The following OGG1 variants were observed in gnomAD, a reference collection of about 807,000 sequenced individuals.
OGG1 encodes the protein N-glycosylase/DNA lyase.
A neutral mutation model predicts 42.3 loss-of-function variants in OGG1; 35 were observed. The observed-to-expected ratio is 0.83, with a 90% confidence interval of 0.63 to 1.10. The LOEUF is 1.10. Among genes scored for constraint, OGG1 ranks in the 50% least tolerant of loss-of-function variants. The pLI is 0.00. For missense variants in OGG1, 484 were observed against 446.7 expected, an observed-to-expected ratio of 1.08 and a Z score of -0.75; for synonymous variants, 189 against 179.0, an observed-to-expected ratio of 1.06 and a Z score of -0.44.
chr3:9,768,142 C>T (rs1362179279), downstream of OGG1, among the ~76,000 whole-genome samples: 4 of 152,064 alleles, frequency 2.6e-5, no homozygotes, highest in African/African-American at 9.7e-5. Context: ...CCTGGAGGAT[C>T]CCCCTGTCCC....
At chr3:9,766,775 A>G (rs1241525367), downstream of OGG1, 1 of 323,830 alleles carries the variant, frequency 3.1e-6, no homozygotes, top group East Asian at 1.3e-4. Context: ...CCTCAGGGAT[A>G]ATTAGTTACT....
At chr3:9,787,239 C>T in intron 3 of OGG1, 1 of 1,614,216 alleles carries the variant, frequency 6.2e-7, no homozygotes, top group Non-Finnish European at 8.5e-7. Flanking sequence ...TGAGGCCTTT[C>T]TTCTTGTCAG....
downstream of OGG1, chr3:9,759,227 C>G (rs1280508656): frequency 1.2e-6 from 2 of 1,614,154 alleles, no homozygotes; most frequent in East Asian, 4.5e-5. Flanking sequence ...TTTCTCGGAC[C>G]CCATAGGCTG....
exon 8 of OGG1, chr3:9,765,915 G>A (rs1178458744): frequency 6.2e-7 from 1 of 1,613,934 alleles, no homozygotes; most frequent in South Asian, 1.1e-5. Context: ...GATTCACAAG[G>A]TGAAGAACTG....
intron 3 of OGG1, among the ~76,000 whole-genome samples, chr3:9,786,489 G>C (rs181623704): frequency 3.0e-4 from 45 of 152,270 alleles, no homozygotes; most frequent in Admixed American, 1.1e-3. Flanking sequence ...AGGTCAACCA[G>C]CAGGTATAAA....
chr3:9,758,781 C>T, downstream of OGG1: 1 of 236,634 alleles, frequency 4.2e-6, no homozygotes, highest in Non-Finnish European at 8.4e-6. Flanking sequence ...AGGCACGCAC[C>T]ACCATGTGTG....
In OGG1 at chr3:9,754,928, A is replaced by C. The variant is rs148889946; in HGVS notation, c.747+43A>C. ...AGGAGCTGCCCTCTCTACTGACACT[A>C]AGAGGAGAGCAGGAAATGAGCCAAG... On this transcript the variant is annotated intron_variant, in intron 4 of 6. Coordinates refer to ENST00000344629, the MANE Select transcript of OGG1 (RefSeq NM_002542.6). The C allele has an allele frequency of 1.8e-5, 27 of 1,510,752 alleles. No homozygotes were observed. The African/African-American group carries it at 1.8e-4, about 10-fold the overall frequency. 93.6% of individuals were successfully genotyped at this position (1,510,752 alleles called of 1,614,324 possible). A position where few individuals can be genotyped will look rare whatever the true frequency, so the allele number is the denominator to read the frequency against.
intron 2 of OGG1, 133 bp downstream of exon 2, chr3:9,751,325 A>G: frequency 2.3e-6 from 2 of 887,162 alleles, no homozygotes; most frequent in Middle Eastern, 4.7e-4. Flanking sequence ...GAACTAATAC[A>G]TGTAAAGTGC....
chr3:9,760,767 G>T (rs756971878), downstream of OGG1: 8 of 1,613,938 alleles, frequency 5.0e-6, no homozygotes, highest in Non-Finnish European at 6.8e-6. Flanking sequence ...TAACCGCAGA[G>T]CCTGGGCAGG....
At chr3:9,769,682 T>G (rs936869503), downstream of OGG1, 2 of 152,010 alleles carry the variant, frequency 1.3e-5, no homozygotes, top group African/African-American at 2.4e-5. Context: ...GGGACAGAGG[T>G]GGAGAAAGGC....
chr3:9,782,790 C>CAA lies in OGG1; in HGVS notation c.382+1205_382+1206dup, dbSNP rs36123956. 2.9e-3 allele frequency among the ~76,000 whole-genome samples: 351 copies of CAA among 119,682 alleles called. 4 individuals carry two copies. Among genetic ancestry groups the CAA allele is most frequent in the Middle Eastern group, 8.1e-3 (2 of 248 alleles). 78.5% of individuals were successfully genotyped at this position (119,682 alleles called of 152,430 possible). A position where few individuals can be genotyped will look rare whatever the true frequency, so the allele number is the denominator to read the frequency against. On this transcript the variant is annotated intron_variant, in intron 3 of 3. Coordinates refer to the OGG1 transcript ENST00000426518. Reference sequence around the variant, plus strand: ...TGGGCAACAGAGTGAGACACCGTCTCAAAAAAAAAAAAAAAAGGCCAAATG... The same window carrying CAA: ...TGGGCAACAGAGTGAGACACCGTCTCAAAAAAAAAAAAAAAAAAGGCCAAATG...
chr3:9,789,644 G>GC (rs1402537951), downstream of OGG1: 1 of 1,611,484 alleles, frequency 6.2e-7, no homozygotes, highest in Non-Finnish European at 8.5e-7. Context: ...CTGAGTGGGC[G>GC]CCCCTGCCCC....
At chr3:9,764,198 T>C (rs962113521) in intron 7 of OGG1, among the ~76,000 whole-genome samples, 2 of 152,060 alleles carry the variant, frequency 1.3e-5, no homozygotes, top group African/African-American at 4.8e-5. Context: ...CCTCAAAGAG[T>C]TGGAGTGAGG....
At chr3:9,758,874 A>T (rs1305008655), downstream of OGG1, 3 of 353,474 alleles carry the variant, frequency 8.5e-6, no homozygotes, top group African/African-American at 2.1e-5. Flanking sequence ...AGGTGATCCA[A>T]CCACCTCGGC....
At chr3:9,757,932 C>T (rs762871198), downstream of OGG1, 15 of 1,514,428 alleles carry the variant, frequency 9.9e-6, no homozygotes, top group South Asian at 1.3e-5. This position sits in a 1 kb window ranked among gnomAD's most constrained non-coding sequence, Gnocchi z 4.5. Flanking sequence ...GGGATTCTTG[C>T]AATTGTTCTG....
intron 7 of OGG1, among the ~76,000 whole-genome samples, chr3:9,765,096 A>G (rs2078089089): frequency 6.6e-6 from 1 of 151,652 alleles, no homozygotes. Context: ...GCGTGGTGGC[A>G]GGTGCCTGTA....
chr3:9,759,959 A>C, downstream of OGG1: 1 of 647,676 alleles, frequency 1.5e-6, no homozygotes, highest in Non-Finnish European at 2.5e-6. Context: ...AGAAAAACAT[A>C]TGGCCGGGCA....
chr3:9,760,750 G>A (rs766905823), downstream of OGG1: 28 of 1,613,918 alleles, frequency 1.7e-5, no homozygotes, highest in Non-Finnish European at 2.3e-5. Context: ...CGTCATAGAA[G>A]GGAGGGTAAC....
At chr3:9,781,016 T>C (rs1238935566) in intron 2 of OGG1, among the ~76,000 whole-genome samples, 1 of 152,078 alleles carries the variant, frequency 6.6e-6, no homozygotes, top group Non-Finnish European at 1.5e-5. Flanking sequence ...TGCACACCTG[T>C]AGTCCCAACT....
Sources: gnomAD v4.1 joint callset for allele counts (sites outside exome capture counted in the v4.1 genomes callset) on GRCh38, gnomAD v4.1.1 for gene constraint, Gnocchi (gnomAD v3.1) non-coding constraint, MANE v1.5 for transcripts, NCBI Gene and HGNC (gene_info 2026-07-23, HGNC 2026-07-21) for gene names.